Variants in ZFAND3 observed in about 807,000 individuals in gnomAD.
The protein encoded by ZFAND3 is zinc finger AN1-type containing 3, also known as AN1-type zinc finger protein 3.
ZFAND3 carries 10 observed loss-of-function variants against 29.6 expected under a neutral mutation model. The observed-to-expected ratio is 0.34, with a 90% CI of 0.21 to 0.57. ZFAND3 has a LOEUF of 0.57. Among genes scored for constraint, ZFAND3 ranks in the 20% least tolerant of loss-of-function variants. The pLI is 0.86. For synonymous variants in ZFAND3, 128 were observed against 112.6 expected (o/e 1.14, Z -0.87); for missense variants, 230 against 304.5 (o/e 0.76, Z 1.82).
At chr6:38,117,913 C>G (rs1765452973) in intron 5 of ZFAND3, among the ~76,000 whole-genome samples, 1 of 152,320 alleles carries the variant, frequency 6.6e-6, no homozygotes, top group East Asian at 1.9e-4. Flanking sequence ...TACGTTGGAA[C>G]TCCTATTCCT....
At chr6:38,046,616 T>A (rs1026311061) in intron 2 of ZFAND3, among the ~76,000 whole-genome samples, 13 of 152,186 alleles carry the variant, frequency 8.5e-5, no homozygotes, top group Non-Finnish European at 1.8e-4. Flanking sequence ...ATAAAAAAAT[T>A]TAATACATTG....
chr6:37,873,195 C>T (rs1035058007), intron 1 of ZFAND3, among the ~76,000 whole-genome samples: 9 of 152,236 alleles, frequency 5.9e-5, no homozygotes, highest in African/African-American at 2.2e-4. Flanking sequence ...GGTGTGAACC[C>T]GGGAGGCGAA....
chr6:37,838,495 C>T (rs767713663), intron 1 of ZFAND3, among the ~76,000 whole-genome samples: 1 of 152,192 alleles, frequency 6.6e-6, no homozygotes, highest in Non-Finnish European at 1.5e-5. Flanking sequence ...TCACTTCTCC[C>T]CTCAGCTCCT....
In ZFAND3 at chr6:37,963,803, G is replaced by A. The variant is rs144748898; in HGVS notation, c.112+33804G>A. Among the ~76,000 whole-genome samples the A allele has an allele frequency of 9.3e-4, 142 of 152,150 alleles. 2 individuals carry two copies. The highest frequency in any genetic ancestry group is 8.8e-3 in the Admixed American group (135 of 15,280). On this transcript the variant is annotated intron_variant, in intron 2 of 5. Transcript: ENST00000287218. ...GATGTTCTATTGATCTAGGTGTCAA[G>A]CCCTCTTAAGATCTCTCTATTGGAT...
chr6:37,984,879 A>G (rs143133921), intron 2 of ZFAND3, among the ~76,000 whole-genome samples: 5 of 152,326 alleles, frequency 3.3e-5, no homozygotes, highest in African/African-American at 1.2e-4. Flanking sequence ...GTTAATTATC[A>G]GAGAGGTCAT....
intron 1 of ZFAND3, among the ~76,000 whole-genome samples, chr6:37,832,721 G>T (rs1178247121): frequency 6.6e-6 from 1 of 152,088 alleles, no homozygotes; most frequent in East Asian, 1.9e-4. Flanking sequence ...TTGCCCAGGA[G>T]GCTAGAGTGC....
chr6:37,846,448 A>T (rs1054053164), intron 1 of ZFAND3, among the ~76,000 whole-genome samples: 1 of 152,232 alleles, frequency 6.6e-6, no homozygotes, highest in African/African-American at 2.4e-5. Flanking sequence ...AGGGAAAATT[A>T]TAGTATTAAA....
At chr6:38,075,954 G>A (rs1010809101) in intron 3 of ZFAND3, among the ~76,000 whole-genome samples, 7 of 152,048 alleles carry the variant, frequency 4.6e-5, no homozygotes, top group East Asian at 1.9e-4. Context: ...GGGTTTCACC[G>A]TGTTAGCCAG....
intron 2 of ZFAND3, among the ~76,000 whole-genome samples, chr6:37,947,196 G>A (rs1469981395): frequency 6.6e-6 from 1 of 152,160 alleles, no homozygotes; most frequent in Non-Finnish European, 1.5e-5. Context: ...AGGAGGTTAA[G>A]TGTGAATATT....
At chr6:38,046,415 C>G (rs1561979276) in intron 2 of ZFAND3, among the ~76,000 whole-genome samples, 1 of 152,164 alleles carries the variant, frequency 6.6e-6, no homozygotes, top group Non-Finnish European at 1.5e-5. Context: ...CATAATTACC[C>G]ATGCTTGCAA....
chr6:38,060,485 G>T (rs1764213339), intron 2 of ZFAND3, among the ~76,000 whole-genome samples: 1 of 133,938 alleles, frequency 7.5e-6, no homozygotes, highest in Admixed American at 8.5e-5. Context: ...CTCTGTTCCT[G>T]TCCTGTCCTG....
intron 5 of ZFAND3, among the ~76,000 whole-genome samples, chr6:38,129,347 T>C (rs978708406): frequency 6.6e-5 from 10 of 152,220 alleles, no homozygotes; most frequent in Non-Finnish European, 1.0e-4. Context: ...CAGCAGTTTA[T>C]TTTTGGTTTT....
rs1042997312 is a variant in ZFAND3 at position 38,042,306 on chromosome 6, G to C, written c.113-19287G>C. On this transcript the variant is annotated intron_variant, in intron 2 of 5. Coordinates refer to ENST00000287218, the MANE Select transcript of ZFAND3 (RefSeq NM_021943.3). ...TGCATGTCACATATAACTCCTTCTTGAGCTTGCTTTTTTTTTTTTTTTTTT... is the reference window on the plus strand; with the variant it reads ...TGCATGTCACATATAACTCCTTCTTCAGCTTGCTTTTTTTTTTTTTTTTTT... 3.4e-4 allele frequency among the ~76,000 whole-genome samples: 46 copies of C among 136,522 alleles called. 1 individual carries two copies. The highest frequency in any genetic ancestry group is 4.9e-4 in the Non-Finnish European group (32 of 65,286). The allele number at this position is 136,522 out of a possible 152,430, so 89.6% of individuals were successfully genotyped here.
intron 4 of ZFAND3, among the ~76,000 whole-genome samples, chr6:38,091,765 A>T (rs1481628380): frequency 6.6e-6 from 1 of 151,066 alleles, no homozygotes. Context: ...GGCTGTAAAT[A>T]AAAGTTATTA....
At chr6:37,856,360 C>T (rs755075010) in intron 1 of ZFAND3, among the ~76,000 whole-genome samples, 2 of 152,184 alleles carry the variant, frequency 1.3e-5, no homozygotes, top group Non-Finnish European at 2.9e-5. Context: ...TAGAAGCATT[C>T]TTCCTGGATC....
intron 1 of ZFAND3, among the ~76,000 whole-genome samples, chr6:37,923,943 T>C (rs755145239): frequency 1.3e-5 from 2 of 152,254 alleles, no homozygotes; most frequent in Non-Finnish European, 2.9e-5. Flanking sequence ...AAGTATTTCT[T>C]ATTTTGGGGA....
chr6:37,987,615 C>G lies in ZFAND3; in HGVS notation c.112+57616C>G, dbSNP rs1295346317. ...AGAACCTTTGTAAACTTTAAATACCCTGGCCCTGCCCCAGACTTAGTGACT... is the reference window on the plus strand; with the variant it reads ...AGAACCTTTGTAAACTTTAAATACCGTGGCCCTGCCCCAGACTTAGTGACT... On this transcript the variant is annotated intron_variant, in intron 2 of 5. Coordinates refer to ENST00000287218, the MANE Select transcript of ZFAND3 (RefSeq NM_021943.3). 3.3e-5 allele frequency among the ~76,000 whole-genome samples: 5 copies of G among 152,338 alleles called. No homozygotes were observed. The East Asian group carries it at 9.6e-4, about 29-fold the overall frequency.
intron 2 of ZFAND3, among the ~76,000 whole-genome samples, chr6:38,024,724 A>G (rs568562528): frequency 6.6e-6 from 1 of 152,322 alleles, no homozygotes; most frequent in East Asian, 1.9e-4. Context: ...CACATATTAT[A>G]TGATTCTATT....
Position 38,049,968 on chromosome 6 carries a change from TGGG to T in ZFAND3, c.113-11622_113-11620del, listed in dbSNP as rs767412841. The stretch of plus-strand genomic sequence containing the variant: ...TAATTTTTTTTTTTTTTTTTTTTTT[TGGG>T]GGAGACAGAGTCTCTCTCTGTCTCC... On this transcript the variant is annotated intron_variant, in intron 2 of 5. Transcript: ENST00000287218. Among the ~76,000 whole-genome samples, 10 of 40,582 alleles carry T rather than the reference TGGG, an allele frequency of 2.5e-4. No homozygotes were observed. In the East Asian group the frequency reaches 4.9e-3, roughly 20 times the overall value. 26.6% of individuals were successfully genotyped at this position (40,582 alleles called of 152,430 possible).
Sources: gnomAD v4.1 joint callset for allele counts (sites outside exome capture counted in the v4.1 genomes callset) on GRCh38, gnomAD v4.1.1 for gene constraint, MANE v1.5 for transcripts, NCBI Gene and HGNC (gene_info 2026-07-23, HGNC 2026-07-21) for gene names.